Variants in ARHGEF38 observed in about 807,000 individuals in gnomAD.
The protein encoded by ARHGEF38 is Rho guanine nucleotide exchange factor 38, also known as Rho guanine nucleotide exchange factor (GEF) 38.
ARHGEF38 carries 79 observed loss-of-function variants against 79.9 expected under a neutral mutation model. The observed-to-expected ratio is 0.99, with a 90% CI of 0.82 to 1.19. ARHGEF38 has a LOEUF of 1.19. Among genes scored for constraint, ARHGEF38 ranks in the 50% most tolerant of loss-of-function variants. The probability of loss-of-function intolerance (pLI) is 0.00; values close to 1 mark genes in which losing one functional copy is unlikely to be tolerated. For missense variants in ARHGEF38, 962 were observed against 907.2 expected (o/e 1.06, Z -0.78); for synonymous variants, 366 against 328.3 (o/e 1.11, Z -1.24).
chr4:105,564,790 T>C (rs1294564860), intron 1 of ARHGEF38, among the ~76,000 whole-genome samples: 1 of 152,190 alleles, frequency 6.6e-6, no homozygotes, highest in Non-Finnish European at 1.5e-5. Context: ...AGAGTCAAAC[T>C]CTGTGAAATA....
In ARHGEF38 at chr4:105,680,479, C is replaced by T. The variant is rs79499416; in HGVS notation, c.*2542C>T. The T allele has an allele frequency of 0.037, 5,767 of 154,272 alleles. 154 individuals carry two copies. The highest frequency in any genetic ancestry group is 0.071 in the Middle Eastern group (21 of 294). The allele number at this position is 154,272 out of a possible 1,614,324, so 9.6% of individuals were successfully genotyped here. The stretch of plus-strand genomic sequence containing the variant: ...TAGTGGGGAAAACATCTGCACATAA[C>T]AAACTAAATAAAATGATCATAAAAT... On this transcript the variant is annotated 3_prime_UTR_variant, in exon 14 of 14. Coordinates refer to ENST00000420470, the MANE Select transcript of ARHGEF38 (RefSeq NM_001242729.2).
At chr4:105,648,797 C>A in intron 7 of ARHGEF38, 115 bp downstream of exon 7, 2 of 1,047,020 alleles carry the variant, frequency 1.9e-6, no homozygotes, top group Non-Finnish European at 2.6e-6. Flanking sequence ...AAGGTAATTG[C>A]CCTATGCTGT....
chr4:105,634,968 C>G (rs774329915), intron 4 of ARHGEF38, among the ~76,000 whole-genome samples: 1 of 152,114 alleles, frequency 6.6e-6, no homozygotes, highest in Admixed American at 6.6e-5. Flanking sequence ...ATTTTATACT[C>G]ATTATTCTAA....
At chr4:105,588,096 G>A (rs1727145488) in intron 1 of ARHGEF38, among the ~76,000 whole-genome samples, 1 of 152,142 alleles carries the variant, frequency 6.6e-6, no homozygotes, top group Non-Finnish European at 1.5e-5. Context: ...TAACTCTTCT[G>A]CTATATTGTT....
At chr4:105,633,521 T>A (rs960676895) in intron 4 of ARHGEF38, among the ~76,000 whole-genome samples, 1 of 152,160 alleles carries the variant, frequency 6.6e-6, no homozygotes, top group Non-Finnish European at 1.5e-5. Flanking sequence ...CAAGTGCAGT[T>A]GCCAATTTCT....
chr4:105,561,500 GAATA>G (rs1725609125), intron 1 of ARHGEF38: 7 of 145,268 alleles, frequency 4.8e-5, no homozygotes, highest in South Asian at 2.2e-4. Context: ...GAATAGAATA[GAATA>G]GAATAGAATA....
At chr4:105,609,326 G>A (rs1728185974) in intron 2 of ARHGEF38, among the ~76,000 whole-genome samples, 1 of 151,932 alleles carries the variant, frequency 6.6e-6, no homozygotes, top group African/African-American at 2.4e-5. Context: ...TTATTTCTGG[G>A]CTCTCTATTC....
chr4:105,657,438 C>T (rs1730379873), intron 9 of ARHGEF38, among the ~76,000 whole-genome samples: 1 of 152,090 alleles, frequency 6.6e-6, no homozygotes, highest in Non-Finnish European at 1.5e-5. Flanking sequence ...ATTAAGAACT[C>T]AAAATCTGTC....
At chr4:105,615,118 G>T (rs1039284334) in intron 3 of ARHGEF38, among the ~76,000 whole-genome samples, 1 of 152,216 alleles carries the variant, frequency 6.6e-6, no homozygotes, top group Non-Finnish European at 1.5e-5. Flanking sequence ...AATGCCAAGT[G>T]TGTTTAGGAA....
At chr4:105,662,854 T>C (rs1345719508) in intron 10 of ARHGEF38, among the ~76,000 whole-genome samples, 1 of 152,162 alleles carries the variant, frequency 6.6e-6, no homozygotes, top group Non-Finnish European at 1.5e-5. Context: ...TTTAAAGGCA[T>C]TTTCAGTTTC....
chr4:105,566,022 A>G (rs1377580651), intron 1 of ARHGEF38, among the ~76,000 whole-genome samples: 1 of 152,132 alleles, frequency 6.6e-6, no homozygotes, highest in East Asian at 1.9e-4. Context: ...CACTACCCAC[A>G]GGCTTCCTCC....
intron 13 of ARHGEF38, among the ~76,000 whole-genome samples, chr4:105,676,615 G>C (rs1379979811): frequency 6.6e-6 from 1 of 151,974 alleles, no homozygotes; most frequent in East Asian, 1.9e-4. Context: ...TGATTTTGTT[G>C]GAAGAATAAA....
chr4:105,646,463 G>C (rs1187062636), intron 6 of ARHGEF38, among the ~76,000 whole-genome samples: 2 of 152,198 alleles, frequency 1.3e-5, no homozygotes, highest in Non-Finnish European at 2.9e-5. Flanking sequence ...ACCATTTCCA[G>C]TCCAAGAGAC....
rs1000951125 is a variant in ARHGEF38, at chr4:105,590,156, G to GAA, written c.384+722_384+723insAA. On this transcript the variant is annotated intron_variant, in intron 2 of 13. Transcript: ENST00000420470. ...GAAAGAAAAAAAAGAAAGAAAGAAAGAGAGAGAGAGAGAGATGGGGACAAA... is the reference window on the plus strand; with the variant it reads ...GAAAGAAAAAAAAGAAAGAAAGAAAGAAAGAGAGAGAGAGAGATGGGGACAAA... Among the ~76,000 whole-genome samples, 853 of 150,640 alleles carry GAA rather than the reference G, an allele frequency of 5.7e-3. 21 individuals are homozygous for GAA. The highest frequency in any genetic ancestry group is 0.02 in the African/African-American group (830 of 40,802).
chr4:105,676,625 A>G (rs957689156), intron 13 of ARHGEF38, among the ~76,000 whole-genome samples: 7 of 152,234 alleles, frequency 4.6e-5, no homozygotes, highest in Non-Finnish European at 1.0e-4. Context: ...GGAAGAATAA[A>G]GACTTATTTT....
intron 11 of ARHGEF38, 136 bp downstream of exon 11, chr4:105,666,456 C>A: frequency 2.9e-6 from 3 of 1,046,154 alleles, no homozygotes; most frequent in Non-Finnish European, 3.9e-6. Flanking sequence ...ATTTCTTGTA[C>A]ATTTCTATCC....
intron 1 of ARHGEF38, among the ~76,000 whole-genome samples, chr4:105,574,727 A>T (rs1000569522): frequency 2.0e-5 from 3 of 151,966 alleles, no homozygotes; most frequent in East Asian, 1.9e-4. Flanking sequence ...GATTAAAAAA[A>T]TTTTTTATTT....
intron 5 of ARHGEF38, among the ~76,000 whole-genome samples, chr4:105,639,539 G>A (rs915536898): frequency 3.3e-5 from 5 of 151,878 alleles, no homozygotes; most frequent in East Asian, 1.9e-4. Context: ...GACCTATCTC[G>A]AAATTATTTT....
intron 1 of ARHGEF38, among the ~76,000 whole-genome samples, chr4:105,556,497 T>A (rs904711662): frequency 6.6e-6 from 1 of 152,016 alleles, no homozygotes; most frequent in African/African-American, 2.4e-5. Context: ...CTCTAAGAAA[T>A]GGTAAGGGTA....
Sources: allele counts gnomAD v4.1 joint callset (sites outside exome capture counted in the v4.1 genomes callset), GRCh38; gene constraint gnomAD v4.1.1; transcripts MANE v1.5; gene names NCBI Gene and HGNC (gene_info 2026-07-23, HGNC 2026-07-21).